The following FGF12 variants were observed in gnomAD, a reference collection of about 807,000 sequenced individuals.
FGF12 encodes the protein fibroblast growth factor 12B.
A neutral mutation model predicts 23.6 loss-of-function variants in FGF12; 14 were observed. The ratio of observed to expected loss-of-function variants is 0.59; its 90% CI spans 0.39 to 0.93. The LOEUF is 0.93. Among genes scored for constraint, FGF12 ranks in the 40% least tolerant of loss-of-function variants. The probability of loss-of-function intolerance (pLI) is 0.00; values close to 1 mark genes in which losing one functional copy is unlikely to be tolerated. For missense variants in FGF12, 175 were observed against 217.8 expected, an observed-to-expected ratio of 0.80 and a Z score of 1.24; for synonymous variants, 62 against 77.3, an observed-to-expected ratio of 0.80 and a Z score of 1.04.
At chr3:192,589,499 C>G (rs934723552) in intron 2 of FGF12, among the ~76,000 whole-genome samples, 1 of 151,786 alleles carries the variant, frequency 6.6e-6, no homozygotes, top group South Asian at 2.1e-4. Context: ...AGTTAGCTAA[C>G]AAGAGGAAAA....
At chr3:192,666,287 A>G (rs1716870589) in intron 2 of FGF12, among the ~76,000 whole-genome samples, 1 of 152,166 alleles carries the variant, frequency 6.6e-6, no homozygotes, top group Non-Finnish European at 1.5e-5. Flanking sequence ...CAGTCTATGA[A>G]CTTTCTCTAC....
At chr3:192,197,683 G>A (rs1345107491) in intron 4 of FGF12, among the ~76,000 whole-genome samples, 3 of 152,082 alleles carry the variant, frequency 2.0e-5, no homozygotes, top group African/African-American at 4.8e-5. Flanking sequence ...GGTGGCTCAC[G>A]CCTATAATCC....
At chr3:192,250,889 C>T (rs1314084511) in intron 4 of FGF12, among the ~76,000 whole-genome samples, 2 of 152,020 alleles carry the variant, frequency 1.3e-5, no homozygotes, top group Admixed American at 1.3e-4. Context: ...AGCCAAAGAA[C>T]ATCTGGCCCT....
intron 2 of FGF12, among the ~76,000 whole-genome samples, chr3:192,678,394 C>A (rs1717403199): frequency 6.6e-6 from 1 of 152,224 alleles, no homozygotes; most frequent in Non-Finnish European, 1.5e-5. Context: ...CCATTACTGT[C>A]ACTTTTTTCT....
chr3:192,356,023 G>C (rs571708236), intron 3 of FGF12, among the ~76,000 whole-genome samples: 1 of 152,266 alleles, frequency 6.6e-6, no homozygotes, highest in African/African-American at 2.4e-5. Flanking sequence ...GTCAGGGACT[G>C]TTTTGCTATT....
intron 4 of FGF12, among the ~76,000 whole-genome samples, chr3:192,333,078 A>T (rs990498285): frequency 1.3e-5 from 2 of 152,024 alleles, no homozygotes; most frequent in Admixed American, 1.3e-4. Context: ...ACCCCCTCGT[A>T]ACCTCAGAAC....
At chr3:192,452,450 A>G (rs1722552054) in intron 2 of FGF12, among the ~76,000 whole-genome samples, 1 of 152,170 alleles carries the variant, frequency 6.6e-6, no homozygotes, top group South Asian at 2.1e-4. Context: ...GTTACGTGCT[A>G]TAGTCTCTAC....
rs564365800 is a variant in FGF12, at chr3:192,698,465, T to A, written c.13+28716A>T. 2.0e-5 allele frequency among the ~76,000 whole-genome samples: 3 copies of A among 152,208 alleles called. No homozygotes were observed. In the East Asian group the frequency reaches 5.8e-4, roughly 29 times the overall value. On this transcript the variant is annotated intron_variant, in intron 2 of 5. Transcript: ENST00000445105. Reference sequence around the variant, plus strand: ...AAGTCCCTTCTAAACACCAATATCATATAATACCAAAAATAAGAATAGCAA... The same window carrying A: ...AAGTCCCTTCTAAACACCAATATCAAATAATACCAAAAATAAGAATAGCAA...
chr3:192,645,545 G>C (rs1715971149), intron 2 of FGF12, among the ~76,000 whole-genome samples: 1 of 152,018 alleles, frequency 6.6e-6, no homozygotes, highest in Admixed American at 6.6e-5. Flanking sequence ...CAGAACTGCT[G>C]ACTTCGGTGT....
At chr3:192,247,067 AGGAAGGAAGGAAG>A (rs1158316712) in intron 4 of FGF12, among the ~76,000 whole-genome samples, 1 of 147,520 alleles carries the variant, frequency 6.8e-6, no homozygotes, top group Admixed American at 6.8e-5. Context: ...GAAGGAAGGA[AGGAAGGAAGGAAG>A]GAAGGAAGGA....
chr3:192,418,503 GT>G (rs991569801), intron 2 of FGF12, among the ~76,000 whole-genome samples: 2 of 152,120 alleles, frequency 1.3e-5, no homozygotes, highest in African/African-American at 2.4e-5. Flanking sequence ...GGTTAAAAGT[GT>G]TTGAGGGACA....
At chr3:192,521,933 G>T (rs898339434) in intron 2 of FGF12, among the ~76,000 whole-genome samples, 11 of 152,168 alleles carry the variant, frequency 7.2e-5, no homozygotes, top group Non-Finnish European at 1.6e-4. Flanking sequence ...TTGATGAAAT[G>T]AAAACAATGG....
intron 2 of FGF12, among the ~76,000 whole-genome samples, chr3:192,643,781 C>T (rs1715892503): frequency 6.6e-6 from 1 of 152,090 alleles, no homozygotes; most frequent in Admixed American, 6.6e-5. Context: ...AAAAGACTAT[C>T]AAATAAGGGA....
At chr3:192,709,163 C>T (rs916159374) in intron 2 of FGF12, among the ~76,000 whole-genome samples, 26 of 152,284 alleles carry the variant, frequency 1.7e-4, no homozygotes, top group African/African-American at 6.3e-4. Context: ...ACCGAAGCTT[C>T]ATCCAGACAA....
intron 2 of FGF12, among the ~76,000 whole-genome samples, chr3:192,725,416 G>C (rs11709883): frequency 6.6e-6 from 1 of 151,890 alleles, no homozygotes; most frequent in South Asian, 2.1e-4. Flanking sequence ...GATTGACATA[G>C]AACTTCTGAA....
chr3:192,479,794 G>C (rs78977061), intron 2 of FGF12, among the ~76,000 whole-genome samples: 5 of 152,186 alleles, frequency 3.3e-5, no homozygotes, highest in Non-Finnish European at 7.4e-5. Flanking sequence ...AGAATATTAA[G>C]AAGTAAGAAT....
intron 2 of FGF12, among the ~76,000 whole-genome samples, chr3:192,550,055 A>T (rs1725592960): frequency 6.6e-6 from 1 of 151,966 alleles, no homozygotes; most frequent in Non-Finnish European, 1.5e-5. Context: ...ATATATACAC[A>T]CATATATCTA....
chr3:192,283,234 T>C (rs1317632577), intron 4 of FGF12: 1 of 152,150 alleles, frequency 6.6e-6, no homozygotes, highest in African/African-American at 2.4e-5. Flanking sequence ...AACCACAGTC[T>C]AGAAGAACTA....
intron 4 of FGF12, among the ~76,000 whole-genome samples, chr3:192,264,185 A>C (rs1031491142): frequency 6.6e-6 from 1 of 152,204 alleles, no homozygotes; most frequent in South Asian, 2.1e-4. Flanking sequence ...CACCATAACT[A>C]TATAGCACAT....
Sources: gnomAD v4.1 joint callset for allele counts (sites outside exome capture counted in the v4.1 genomes callset) on GRCh38, gnomAD v4.1.1 for gene constraint, MANE v1.5 for transcripts, NCBI Gene and HGNC (gene_info 2026-07-23, HGNC 2026-07-21) for gene names.